The following TRANK1 variants were observed in gnomAD, a reference collection of about 807,000 sequenced individuals.
The protein encoded by TRANK1 is TPR and ankyrin repeat-containing protein 1.
TRANK1 carries 198 observed loss-of-function variants against 266.0 expected under a neutral mutation model. The ratio of observed to expected loss-of-function variants is 0.74; its 90% CI spans 0.66 to 0.84. The LOEUF is 0.84. Ranked by LOEUF, TRANK1 falls within the 40% of genes least tolerant of loss-of-function variation. The probability of loss-of-function intolerance (pLI) is 0.00; values close to 1 mark genes in which losing one functional copy is unlikely to be tolerated. For synonymous variants in TRANK1, 1,396 were observed against 1,384.1 expected, an observed-to-expected ratio of 1.01 and a Z score of -0.19; for missense variants, 3,326 against 3,634.6, an observed-to-expected ratio of 0.92 and a Z score of 2.18.
rs1425645224 is a variant in TRANK1 at position 36,880,047 on chromosome 3, TAAACATAC to T, written c.908-5759_908-5752del. On this transcript the variant is annotated intron_variant, in intron 8 of 23. Transcript: ENST00000645898. ...ATATATGTAAACATGCAAATATATG[TAAACATAC>T]AAATATATGTAAACATGCAAATATA... is the stretch of plus-strand genomic sequence containing the variant. 115 of 84,494 alleles carry T rather than the reference TAAACATAC, an allele frequency of 1.4e-3. 37 individuals are homozygous for T. Among genetic ancestry groups the T allele is most frequent in the Non-Finnish European group, 2.2e-3 (91 of 41,730 alleles). The allele number at this position is 84,494 out of a possible 1,614,324, so 5.2% of individuals were successfully genotyped here.
At chr3:36,852,775 T>TA (rs761417309) in intron 13 of TRANK1, among the ~76,000 whole-genome samples, 2,044 of 120,082 alleles carry the variant, frequency 0.017, 25 homozygotes, top group African/African-American at 0.04. Flanking sequence ...CCATCTCAAT[T>TA]AAAAAAAAAA....
chr3:36,912,849 T>C (rs1190605596), intron 1 of TRANK1, among the ~76,000 whole-genome samples: 3 of 150,620 alleles, frequency 2.0e-5, no homozygotes, highest in African/African-American at 7.3e-5. Context: ...ACTGCTTGAA[T>C]TCTTGACAAC....
At chr3:36,889,713 A>G in intron 8 of TRANK1, 116 bp downstream of exon 8, 1 of 1,349,804 alleles carries the variant, frequency 7.4e-7, no homozygotes, top group Non-Finnish European at 9.7e-7. Flanking sequence ...GGGGAAGTTT[A>G]GCCCTCTGAG....
At chr3:36,897,111 G>A (rs1321870360) in intron 4 of TRANK1, among the ~76,000 whole-genome samples, 1 of 152,078 alleles carries the variant, frequency 6.6e-6, no homozygotes, top group Non-Finnish European at 1.5e-5. Context: ...AGACCAGCCT[G>A]GCTAACATAG....
intron 1 of TRANK1, among the ~76,000 whole-genome samples, chr3:36,935,070 C>A (rs1164667637): frequency 6.6e-6 from 1 of 152,176 alleles, no homozygotes; most frequent in East Asian, 1.9e-4. Flanking sequence ...AAAAAGACCC[C>A]AAGATCACCC....
intron 18 of TRANK1, among the ~76,000 whole-genome samples, chr3:36,841,724 G>T (rs997156420): frequency 3.9e-5 from 6 of 152,106 alleles, no homozygotes; most frequent in African/African-American, 1.4e-4. Flanking sequence ...TTGGAATTCT[G>T]CTGAGGGAAC....
intron 13 of TRANK1, among the ~76,000 whole-genome samples, chr3:36,852,681 A>T (rs900881695): frequency 6.6e-6 from 1 of 151,600 alleles, no homozygotes; most frequent in Non-Finnish European, 1.5e-5. Context: ...GAGGCAGGAG[A>T]ATCGCTTGAA....
At chr3:36,879,222 C>T (rs2079436677) in intron 8 of TRANK1, among the ~76,000 whole-genome samples, 1 of 150,962 alleles carries the variant, frequency 6.6e-6, no homozygotes, top group Admixed American at 6.6e-5. Flanking sequence ...ACAAAACAAC[C>T]AGAATGATCC....
At position 36,879,955 on chromosome 3, in the gene TRANK1, TGTAAACATGC is replaced by T. The variant is rs1388900474; in HGVS notation, c.908-5669_908-5660del. ...AAATATATGTAAACATGCAAATATA[TGTAAACATGC>T]AAATATATGTAAACATGCAAATATA... On this transcript the variant is annotated intron_variant, in intron 8 of 23. Transcript: ENST00000645898. Among the ~76,000 whole-genome samples, 5 of 11,600 alleles carry T rather than the reference TGTAAACATGC, an allele frequency of 4.3e-4. 2 individuals carry two copies. Among genetic ancestry groups the T allele is most frequent in the African/African-American group, 6.8e-4 (1 of 1,462 alleles). 7.6% of individuals were successfully genotyped at this position (11,600 alleles called of 152,430 possible).
At chr3:36,892,399 A>C in intron 6 of TRANK1, 59 bp from the exon 7 acceptor site, 1 of 1,525,168 alleles carries the variant, frequency 6.6e-7, no homozygotes, top group South Asian at 1.2e-5. Flanking sequence ...ATGAAGCTTC[A>C]AACTCCTTTA....
chr3:36,888,841 G>C (rs1473681177), intron 8 of TRANK1, among the ~76,000 whole-genome samples: 1 of 152,182 alleles, frequency 6.6e-6, no homozygotes, highest in East Asian at 1.9e-4. Flanking sequence ...TGGATCACTT[G>C]AGGTCAGGAG....
chr3:36,853,465 A>G (rs1460565657), intron 13 of TRANK1, among the ~76,000 whole-genome samples: 2 of 152,258 alleles, frequency 1.3e-5, no homozygotes, highest in Non-Finnish European at 2.9e-5. Flanking sequence ...ATATAAAGCA[A>G]TAAGCCTAAG....
chr3:36,903,443 A>ATTTTTGATG (rs2079914507), intron 2 of TRANK1, among the ~76,000 whole-genome samples, 168 bp from the exon 3 acceptor site: 1 of 152,246 alleles, frequency 6.6e-6, no homozygotes, highest in African/African-American at 2.4e-5. Context: ...AGCCTGGAAC[A>ATTTTTGATG]TTTACAATAT....
chr3:36,841,020 A>G (rs1026617256), intron 18 of TRANK1, among the ~76,000 whole-genome samples: 10 of 152,184 alleles, frequency 6.6e-5, no homozygotes, highest in African/African-American at 2.4e-4. Context: ...TCTTCGAAGA[A>G]CTGGAGCTGA....
chr3:36,846,389 G>A lies in TRANK1; in HGVS notation c.5050C>T (p.Leu1684=), dbSNP rs369520724. Residue 1684 remains leucine (L), a synonymous_variant, in exon 17 of 24, where the codon CTG becomes TTG. Transcript: ENST00000645898. The stretch of plus-strand genomic sequence containing the variant: ...GTGATGGCGGTGTACAGCTGCTTCA[G>A]CTCTCCGTTGAGGAGCTAAAGATAA... The part of the protein sequence containing the change: ...PEMYKLLNGE[L]KQLYTAITRA... The A allele has an allele frequency of 6.2e-6, 10 of 1,613,112 alleles. No individual in the cohort carries two copies. Among genetic ancestry groups the A allele is most frequent in the Non-Finnish European group, 8.5e-6 (10 of 1,179,456 alleles).
chr3:36,832,359 C>T lies in TRANK1; in HGVS notation c.7224G>A (p.Arg2408=). The part of the protein sequence containing the change: ...NMDKTHLCFI[R]LLENCIDQFY... The stretch of plus-strand genomic sequence containing the variant: ...ATTGATCAATGCAATTCTCCAGAAG[C>T]CGGATGAAGCACAGGTGGGTCTTGT... The change falls in exon 22 of 24, where the codon CGG becomes CGA. Residue 2408 remains arginine, a synonymous_variant. Coordinates refer to ENST00000645898, the MANE Select transcript of TRANK1 (RefSeq NM_001329998.2). The T allele has an allele frequency of 6.2e-7, 1 of 1,614,022 alleles. No homozygotes were observed. The highest frequency in any genetic ancestry group is 8.5e-7 in the Non-Finnish European group (1 of 1,179,890).
At chr3:36,884,132 G>C (rs2079568889) in intron 8 of TRANK1, among the ~76,000 whole-genome samples, 1 of 152,268 alleles carries the variant, frequency 6.6e-6, no homozygotes, top group East Asian at 1.9e-4. Context: ...GTTTGGACTG[G>C]AATCAGAGAT....
At chr3:36,932,176 C>T (rs752911921) in intron 1 of TRANK1, among the ~76,000 whole-genome samples, 56 of 152,172 alleles carry the variant, frequency 3.7e-4, no homozygotes, top group Non-Finnish European at 6.2e-4. Flanking sequence ...TCCTATATAT[C>T]GAAAGGCACT....
chr3:36,830,501 C>G (rs952576992), intron 22 of TRANK1, among the ~76,000 whole-genome samples: 1 of 152,158 alleles, frequency 6.6e-6, no homozygotes, highest in Non-Finnish European at 1.5e-5. Flanking sequence ...TTTCTTAACA[C>G]CTTAAACATT....
Sources: allele counts gnomAD v4.1 joint callset (sites outside exome capture counted in the v4.1 genomes callset), GRCh38; gene constraint gnomAD v4.1.1; transcripts MANE v1.5; gene names NCBI Gene and HGNC (gene_info 2026-07-23, HGNC 2026-07-21).